The following SPON1 variants were observed in gnomAD, a reference collection of about 807,000 sequenced individuals.
SPON1 encodes spondin 1, also known as spondin-1.
SPON1 carries 52 observed loss-of-function variants against 111.7 expected under a neutral mutation model. That is an observed-to-expected ratio of 0.47 (90% confidence interval 0.37 to 0.59). The LOEUF (loss-of-function observed/expected upper bound fraction) is 0.59, where lower values mean the gene tolerates loss of function less well. SPON1 is among the 20% of genes least tolerant of loss of function. The pLI is 0.00. For missense variants in SPON1, 957 were observed against 1,068.5 expected, an observed-to-expected ratio of 0.90 and a Z score of 1.46; for synonymous variants, 410 against 395.8, an observed-to-expected ratio of 1.04 and a Z score of -0.43.
At chr11:14,010,416 A>G (rs2059954425) in intron 2 of SPON1, among the ~76,000 whole-genome samples, 1 of 152,140 alleles carries the variant, frequency 6.6e-6, no homozygotes, top group Non-Finnish European at 1.5e-5. Flanking sequence ...AGCTAAGTGT[A>G]GAGATGTAAA....
At chr11:13,967,417 G>A (rs1467617492) in intron 1 of SPON1, among the ~76,000 whole-genome samples, 1 of 151,716 alleles carries the variant, frequency 6.6e-6, no homozygotes, top group Admixed American at 6.6e-5. Context: ...CTTCAGTGTT[G>A]CATTTCCCCA....
intron 5 of SPON1, among the ~76,000 whole-genome samples, chr11:14,089,165 G>T (rs781956473): frequency 6.6e-5 from 10 of 152,048 alleles, no homozygotes; most frequent in Non-Finnish European, 1.3e-4. Context: ...CCAGTTTTGT[G>T]CACTTGCTGG....
intron 2 of SPON1, among the ~76,000 whole-genome samples, chr11:14,032,538 G>A (rs1176951457): frequency 6.6e-6 from 1 of 152,162 alleles, no homozygotes; most frequent in East Asian, 1.9e-4. Flanking sequence ...AACAGCTGCT[G>A]GCTGCTTCGT....
chr11:14,213,656 G>T (rs1303338670), intron 6 of SPON1, among the ~76,000 whole-genome samples: 1 of 152,148 alleles, frequency 6.6e-6, no homozygotes, highest in Non-Finnish European at 1.5e-5. Flanking sequence ...ACAGTCTCCA[G>T]CCTCAAGAGT....
At chr11:14,217,549 C>T (rs978845472) in intron 6 of SPON1, among the ~76,000 whole-genome samples, 52 of 152,026 alleles carry the variant, frequency 3.4e-4, no homozygotes, top group African/African-American at 1.2e-3. Context: ...TGACTGTAGA[C>T]TTCACTTATT....
chr11:14,210,501 C>T (rs536351576), intron 6 of SPON1, among the ~76,000 whole-genome samples: 14 of 151,876 alleles, frequency 9.2e-5, no homozygotes, highest in African/African-American at 1.9e-4. Context: ...CGGGTTCAAG[C>T]GATTCTCCTG....
chr11:14,244,864 G>A (rs990176750), intron 7 of SPON1, among the ~76,000 whole-genome samples: 4 of 152,168 alleles, frequency 2.6e-5, no homozygotes, highest in South Asian at 2.1e-4. Context: ...GCAGGTGGGC[G>A]GAACACACGT....
At chr11:13,976,403 A>G (rs1378856917) in intron 1 of SPON1, among the ~76,000 whole-genome samples, 1 of 152,214 alleles carries the variant, frequency 6.6e-6, no homozygotes, top group Non-Finnish European at 1.5e-5. Flanking sequence ...AGGAAGTTGT[A>G]TAATGAGGTT....
intron 2 of SPON1, among the ~76,000 whole-genome samples, chr11:14,010,941 A>G (rs189459057): frequency 6.6e-6 from 1 of 152,242 alleles, no homozygotes; most frequent in Non-Finnish European, 1.5e-5. Flanking sequence ...ATAAACGGCA[A>G]TATAGTAGGA....
chr11:14,181,052 G>A (rs1364712481), intron 6 of SPON1, among the ~76,000 whole-genome samples: 7 of 152,164 alleles, frequency 4.6e-5, no homozygotes, highest in Admixed American at 3.9e-4. Flanking sequence ...GCCCCACACT[G>A]TCCCTCAAGT....
chr11:14,085,530 A>T (rs569585320), intron 5 of SPON1, among the ~76,000 whole-genome samples: 34 of 152,288 alleles, frequency 2.2e-4, no homozygotes, highest in African/African-American at 7.7e-4. Flanking sequence ...TACCAGTACC[A>T]TGCTGCTTTG....
chr11:13,965,197 C>T (rs992530222), intron 1 of SPON1, among the ~76,000 whole-genome samples: 1 of 152,118 alleles, frequency 6.6e-6, no homozygotes, highest in African/African-American at 2.4e-5. Context: ...AGCTCTCCTC[C>T]AGTCCCATTC....
chr11:14,075,701 C>A (rs1186332529), intron 4 of SPON1, among the ~76,000 whole-genome samples: 1 of 152,080 alleles, frequency 6.6e-6, no homozygotes, highest in African/African-American at 2.4e-5. Context: ...GAAGAGGTTC[C>A]TTGGAATAAT....
intron 2 of SPON1, among the ~76,000 whole-genome samples, chr11:14,025,910 C>G (rs1298532164): frequency 6.6e-6 from 1 of 152,192 alleles, no homozygotes; most frequent in African/African-American, 2.4e-5. Context: ...GCCTGTTTCT[C>G]TCTCTTTGTT....
intron 6 of SPON1, among the ~76,000 whole-genome samples, chr11:14,210,966 C>T (rs1848569167): frequency 6.6e-6 from 1 of 152,142 alleles, no homozygotes. Flanking sequence ...GTCTATATAT[C>T]TGTTTTGATA....
chr11:14,209,493 T>C (rs1250978904), intron 6 of SPON1, among the ~76,000 whole-genome samples: 2 of 152,206 alleles, frequency 1.3e-5, no homozygotes, highest in Non-Finnish European at 2.9e-5. Flanking sequence ...TTCCCACTTA[T>C]GAATGAGAAC....
At position 14,173,308 on chromosome 11, in the gene SPON1, G is replaced by A. The variant is rs184172174; in HGVS notation, c.825+37740G>A. Among the ~76,000 whole-genome samples the A allele has an allele frequency of 4.3e-4, 66 of 152,158 alleles. 2 individuals carry two copies. The highest frequency in any genetic ancestry group is 2.7e-3 in the Admixed American group (41 of 15,264). On this transcript the variant is annotated intron_variant, in intron 6 of 15. Coordinates refer to ENST00000576479, the MANE Select transcript of SPON1 (RefSeq NM_006108.4). ...ATTGGCTACTGAGGCTTGTGCATTC[G>A]TCACGTAGTTCTAGTGCCATGGTTT...
chr11:14,139,123 G>A (rs1023517890), intron 6 of SPON1, among the ~76,000 whole-genome samples: 3 of 152,138 alleles, frequency 2.0e-5, no homozygotes, highest in African/African-American at 4.8e-5. Flanking sequence ...TACCCTTTAT[G>A]TCCTGCCCTT....
At chr11:14,230,764 T>TTTCC (rs57121403) in intron 6 of SPON1, among the ~76,000 whole-genome samples, 53 of 112,530 alleles carry the variant, frequency 4.7e-4, no homozygotes, top group African/African-American at 1.3e-3. Flanking sequence ...TCTCTCTCTC[T>TTTCC]TTCCTTCCTT....
Sources: gnomAD v4.1 joint callset for allele counts (sites outside exome capture counted in the v4.1 genomes callset) on GRCh38, gnomAD v4.1.1 for gene constraint, MANE v1.5 for transcripts, NCBI Gene and HGNC (gene_info 2026-07-23, HGNC 2026-07-21) for gene names.